Variants in GRM7 observed in about 807,000 individuals in gnomAD.
GRM7 encodes the protein glutamate metabotropic receptor 7, also known as metabotropic glutamate receptor 7.
Under a neutral mutation model 84.5 loss-of-function variants are expected in GRM7, and 35 were observed. The observed-to-expected ratio is 0.41, with a 90% confidence interval of 0.32 to 0.55. The LOEUF (loss-of-function observed/expected upper bound fraction) is 0.55. Ranked by LOEUF, GRM7 falls within the 20% of genes least tolerant of loss-of-function variation. The pLI is 0.19. For synonymous variants in GRM7, 487 were observed against 455.1 expected (o/e 1.07, Z -0.89); for missense variants, 1,003 against 1,194.6 (o/e 0.84, Z 2.36).
At chr3:7,365,304 A>G (rs1693829785) in intron 4 of GRM7, among the ~76,000 whole-genome samples, 2 of 151,798 alleles carry the variant, frequency 1.3e-5, no homozygotes, top group African/African-American at 2.4e-5. Flanking sequence ...AGTAAGGCTC[A>G]GCTATGTTAT....
chr3:7,220,133 A>T (rs1424744601), intron 2 of GRM7, among the ~76,000 whole-genome samples: 1 of 152,240 alleles, frequency 6.6e-6, no homozygotes, highest in Non-Finnish European at 1.5e-5. Context: ...CAAATACTTT[A>T]TATAGATACT....
chr3:7,274,658 A>G (rs1698987228), intron 2 of GRM7, among the ~76,000 whole-genome samples: 1 of 152,046 alleles, frequency 6.6e-6, no homozygotes, highest in Non-Finnish European at 1.5e-5. Flanking sequence ...TTATTTCTCT[A>G]CAGGTACACT....
intron 2 of GRM7, among the ~76,000 whole-genome samples, chr3:7,228,882 G>C (rs1304676670): frequency 1.3e-5 from 2 of 152,226 alleles, no homozygotes; most frequent in African/African-American, 2.4e-5. Context: ...ATGTGATGAA[G>C]ATGTGGTCAA....
intron 4 of GRM7, among the ~76,000 whole-genome samples, chr3:7,345,413 G>A (rs1692845401): frequency 6.6e-6 from 1 of 151,866 alleles, no homozygotes; most frequent in African/African-American, 2.4e-5. Flanking sequence ...AATGGTAGCT[G>A]GGATTACAGG....
chr3:7,587,009 C>T (rs1037108597), intron 8 of GRM7, among the ~76,000 whole-genome samples: 5 of 152,092 alleles, frequency 3.3e-5, no homozygotes, highest in East Asian at 1.9e-4. Context: ...AGAATTACAA[C>T]GAGGCATGAG....
intron 2 of GRM7, among the ~76,000 whole-genome samples, chr3:7,283,447 C>T (rs989818568): frequency 3.3e-5 from 5 of 151,838 alleles, no homozygotes; most frequent in Admixed American, 6.6e-5. Flanking sequence ...ACCAAAGTTC[C>T]GTTCAGACAC....
Position 7,534,039 on chromosome 3 carries a change from G to A in GRM7, c.1516-44383G>A, listed in dbSNP as rs1296085695. Among the ~76,000 whole-genome samples the A allele has an allele frequency of 5.2e-5, 7 of 134,354 alleles. 1 individual carries two copies. The highest frequency in any genetic ancestry group is 4.9e-4 in the Admixed American group (6 of 12,220). The allele number at this position is 134,354 out of a possible 152,430, so 88.1% of individuals were successfully genotyped here. On this transcript the variant is annotated intron_variant, in intron 7 of 9. Transcript: ENST00000357716. ...TTTTTTTTTTTTTTTTTTTGAGATGGAATCTCACTCTTTTACCAAGGCTGG... is the reference window on the plus strand; with the variant it reads ...TTTTTTTTTTTTTTTTTTTGAGATGAAATCTCACTCTTTTACCAAGGCTGG...
chr3:7,474,453 A>G (rs2124928147), intron 7 of GRM7, among the ~76,000 whole-genome samples: 1 of 152,156 alleles, frequency 6.6e-6, no homozygotes, highest in South Asian at 2.1e-4. Context: ...AAAAAAAAAA[A>G]AAATTGACAA....
intron 2 of GRM7, among the ~76,000 whole-genome samples, chr3:7,254,162 GGGTT>G (rs1394518544): frequency 1.3e-5 from 2 of 152,148 alleles, no homozygotes; most frequent in East Asian, 3.9e-4. Flanking sequence ...CAAGTTTCAT[GGGTT>G]TGCAGCCTGT....
At chr3:7,271,175 A>G (rs1194827333) in intron 2 of GRM7, among the ~76,000 whole-genome samples, 1 of 152,222 alleles carries the variant, frequency 6.6e-6, no homozygotes, top group African/African-American at 2.4e-5. Context: ...TCAAGGTTAT[A>G]TGTTGAAACC....
At chr3:7,417,201 C>G (rs1696200240) in intron 5 of GRM7, among the ~76,000 whole-genome samples, 1 of 152,100 alleles carries the variant, frequency 6.6e-6, no homozygotes, top group Admixed American at 6.6e-5. Flanking sequence ...TTTATAATCA[C>G]ATTCACTAAA....
intron 9 of GRM7, among the ~76,000 whole-genome samples, chr3:7,738,738 T>TC (rs200601491): frequency 2.8e-5 from 4 of 140,372 alleles, no homozygotes; most frequent in Admixed American, 6.8e-5. Flanking sequence ...TTTTTTTTTT[T>TC]CCCCTTCTTT....
intron 1 of GRM7, among the ~76,000 whole-genome samples, chr3:7,063,562 G>T (rs1308460819): frequency 6.6e-6 from 1 of 151,698 alleles, no homozygotes; most frequent in Non-Finnish European, 1.5e-5. Flanking sequence ...TCTTGCCCAA[G>T]AATTTGATGA....
intron 4 of GRM7, among the ~76,000 whole-genome samples, chr3:7,393,521 T>C (rs1486314662): frequency 2.6e-5 from 4 of 152,182 alleles, no homozygotes; most frequent in Non-Finnish European, 5.9e-5. Context: ...AACCTCTCCT[T>C]ACTTATTTCT....
intron 2 of GRM7, among the ~76,000 whole-genome samples, chr3:7,174,101 G>A (rs1263553094): frequency 6.6e-6 from 1 of 152,154 alleles, no homozygotes; most frequent in African/African-American, 2.4e-5. Context: ...AGGGTGGCTA[G>A]TTTCTAAATA....
At chr3:7,645,226 G>A (rs1184399439) in intron 8 of GRM7, among the ~76,000 whole-genome samples, 1 of 152,000 alleles carries the variant, frequency 6.6e-6, no homozygotes, top group Non-Finnish European at 1.5e-5. Context: ...AGAGGTCATG[G>A]AAAGCAAACT....
In GRM7 at chr3:7,188,087, TG is replaced by T. The variant is rs112597690; in HGVS notation, c.736+41422del. ...TTAATAGAGGAGGAATGATGTGGGGTGGGTATTGGCTATTATACTTAGCATT... is the reference window on the plus strand; with the variant it reads ...TTAATAGAGGAGGAATGATGTGGGGTGGTATTGGCTATTATACTTAGCATT... On this transcript the variant is annotated intron_variant, in intron 2 of 9. Transcript: ENST00000357716. The surrounding 1 kb of genome is among the most constrained non-coding windows in gnomAD (Gnocchi z 4.2). Among the ~76,000 whole-genome samples the T allele has an allele frequency of 6.4e-3, 969 of 152,116 alleles. 9 individuals carry two copies. The highest frequency in any genetic ancestry group is 0.022 in the African/African-American group (921 of 41,504).
chr3:6,996,058 T>TA (rs922462460), intron 1 of GRM7, among the ~76,000 whole-genome samples: 7 of 98,226 alleles, frequency 7.1e-5, no homozygotes, highest in East Asian at 4.1e-4. Context: ...CTACAATATA[T>TA]TTTTTTTTGA....
intron 9 of GRM7, among the ~76,000 whole-genome samples, chr3:7,699,430 A>T (rs1177407562): frequency 6.6e-6 from 1 of 152,230 alleles, no homozygotes; most frequent in Non-Finnish European, 1.5e-5. Flanking sequence ...AGTAGTTCTT[A>T]TAATCAGGAA....
Sources: gnomAD v4.1 joint callset for allele counts (sites outside exome capture counted in the v4.1 genomes callset) on GRCh38, gnomAD v4.1.1 for gene constraint, Gnocchi (gnomAD v3.1) non-coding constraint, MANE v1.5 for transcripts, NCBI Gene and HGNC (gene_info 2026-07-23, HGNC 2026-07-21) for gene names.